Variants in LPA observed in about 807,000 individuals in gnomAD.
LPA encodes the protein apolipoprotein(a).
LPA carries 199 observed loss-of-function variants against 197.9 expected under a neutral mutation model. The ratio of observed to expected loss-of-function variants is 1.01; its 90% confidence interval spans 0.90 to 1.13. LPA has a LOEUF of 1.13. Ranked by LOEUF, LPA falls within the 50% of genes most tolerant of loss-of-function variation. The pLI, the probability that LPA is intolerant of heterozygous loss-of-function variation, is 0.00. For missense variants in LPA, 1,853 were observed against 1,785.8 expected, an observed-to-expected ratio of 1.04 and a Z score of -0.68; for synonymous variants, 715 against 639.5, an observed-to-expected ratio of 1.12 and a Z score of -1.78.
chr6:160,554,994 ACT>A (rs1158931910), intron 30 of LPA, among the ~76,000 whole-genome samples: 6 of 152,136 alleles, frequency 3.9e-5, no homozygotes, highest in Middle Eastern at 6.8e-3. Flanking sequence ...TCAGTCCTGT[ACT>A]GTCTCTTGTC....
intron 24 of LPA, among the ~76,000 whole-genome samples, chr6:160,589,090 G>A (rs1045555145): frequency 6.6e-6 from 1 of 152,118 alleles, no homozygotes; most frequent in Non-Finnish European, 1.5e-5. Flanking sequence ...AACCCAATGT[G>A]TTTATACAGG....
At position 160,577,141 on chromosome 6, in the gene LPA, T is replaced by C. The variant is rs779486305; in HGVS notation, c.4626A>G (p.Pro1542=). The C allele has an allele frequency of 6.2e-7, 1 of 1,613,602 alleles. No homozygotes were observed. Among genetic ancestry groups the C allele is most frequent in the South Asian group, 1.1e-5 (1 of 91,076 alleles). The change falls in exon 28 of 39, where the codon CCA becomes CCG. Residue 1542 remains proline, a synonymous_variant. Transcript: ENST00000316300. ...GGTTTTAATCAAATACATACGCATTTGGGTAGTTTTCTGGGGTCCTCTGAT... is the reference window on the plus strand; with the variant it reads ...GGTTTTAATCAAATACATACGCATTCGGGTAGTTTTCTGGGGTCCTCTGAT... ...HWHQRTPENY[P]NAGLTENYCR...
At chr6:160,570,125 C>A (rs1294109732) in intron 28 of LPA, among the ~76,000 whole-genome samples, 1 of 152,154 alleles carries the variant, frequency 6.6e-6, no homozygotes, top group Admixed American at 6.5e-5. Flanking sequence ...CACAGCCATA[C>A]AATTACTGGA....
chr6:160,565,405 C>G (rs1033471522), intron 28 of LPA, among the ~76,000 whole-genome samples: 4 of 152,294 alleles, frequency 2.6e-5, no homozygotes, highest in African/African-American at 9.6e-5. Flanking sequence ...AATACCCAGG[C>G]AAACAGGGAC....
intron 28 of LPA, among the ~76,000 whole-genome samples, chr6:160,576,336 GTGTGTATATATATA>G (rs1298338633): frequency 1.1e-3 from 22 of 19,704 alleles, no homozygotes; most frequent in East Asian, 8.1e-3. Context: ...GTGTGTGTGT[GTGTGTATATATATA>G]TATATATATA....
At chr6:160,654,028 A>T (rs1397784649) in intron 1 of LPA, among the ~76,000 whole-genome samples, 719 of 6,600 alleles carry the variant, frequency 0.11, 112 homozygotes, top group African/African-American at 0.28. Context: ...ATAATATATA[A>T]TATATATTAT....
In LPA at chr6:160,578,555, G is replaced by T. The variant is rs768808174; in HGVS notation, c.4439C>A (p.Pro1480Gln). The T allele has an allele frequency of 3.7e-6, 6 of 1,613,842 alleles. No homozygotes were observed. Among genetic ancestry groups the T allele is most frequent in the Non-Finnish European group, 5.1e-6 (6 of 1,179,766 alleles). The stretch of plus-strand genomic sequence containing the variant: ...AGAAGGAGCCTCTGTGCTTGGAACC[G>T]GGGCCACTGTGGGAGTTGTGAGGAC... ...SSVLTTPTVA[P>Q]VPSTEAPSEQ... The change falls in exon 27 of 39, where the codon CCG becomes CAG. Residue 1480 changes from proline (P) to glutamine (Q), a missense_variant. Transcript: ENST00000316300.
chr6:160,570,526 C>T (rs748281122), intron 28 of LPA, among the ~76,000 whole-genome samples: 13 of 152,076 alleles, frequency 8.5e-5, no homozygotes, highest in Non-Finnish European at 1.6e-4. Context: ...AGGAGATATA[C>T]CTAATGTAAA....
In LPA at chr6:160,599,625, G is replaced by A. The variant is rs772747145; in HGVS notation, c.3162C>T (p.Cys1054=). The change falls in exon 20 of 39, where the codon TGC becomes TGT. Residue 1054 remains cysteine, a synonymous_variant. Coordinates refer to ENST00000316300, the MANE Select transcript of LPA (RefSeq NM_005577.4). ...LTEETPGVQD[C]YYHYGQSYRG... Reference sequence around the variant, plus strand: ...GGTAACTCTGTCCATAATGGTAGTAGCAGTCCTGTACCCCGGGGGTTTCCT... The same window carrying A: ...GGTAACTCTGTCCATAATGGTAGTAACAGTCCTGTACCCCGGGGGTTTCCT... The A allele has an allele frequency of 6.2e-6, 10 of 1,614,120 alleles. No individual in the cohort carries two copies. The highest frequency in any genetic ancestry group is 2.2e-5 in the East Asian group (1 of 44,864).
At chr6:160,582,171 T>G (rs1280791817) in intron 26 of LPA, among the ~76,000 whole-genome samples, 1 of 152,122 alleles carries the variant, frequency 6.6e-6, no homozygotes, top group Admixed American at 6.6e-5. Flanking sequence ...TTTTTCCTTC[T>G]TTTCACTCTA....
intron 20 of LPA, among the ~76,000 whole-genome samples, chr6:160,597,010 T>A (rs1779145562): frequency 6.6e-6 from 1 of 152,190 alleles, no homozygotes; most frequent in Non-Finnish European, 1.5e-5. Context: ...ATTATTCATA[T>A]CTCACTTTAT....
At chr6:160,539,841 G>A (rs184509965) in intron 36 of LPA, among the ~76,000 whole-genome samples, 1 of 12,932 alleles carries the variant, frequency 7.7e-5, no homozygotes, top group Non-Finnish European at 1.7e-4. Flanking sequence ...GTGAGGAAAC[G>A]AATCCTTCTG....
At chr6:160,547,968 A>C (rs760461740) in intron 31 of LPA, 31 bp from the exon 32 acceptor site, 1 of 1,612,434 alleles carries the variant, frequency 6.2e-7, no homozygotes, top group African/African-American at 1.3e-5. Context: ...AAAACAGATG[A>C]TTACAGACAG....
At chr6:160,656,152 G>A (rs1361368568) in intron 1 of LPA, among the ~76,000 whole-genome samples, 1 of 152,228 alleles carries the variant, frequency 6.6e-6, no homozygotes, top group East Asian at 1.9e-4. Context: ...CCTCTGCACA[G>A]GTCAAATGGG....
chr6:160,574,231 G>A (rs1034356934), intron 28 of LPA, among the ~76,000 whole-genome samples: 1 of 151,850 alleles, frequency 6.6e-6, no homozygotes, highest in Non-Finnish European at 1.5e-5. Context: ...TGAAGGGCTG[G>A]TCTTACTCCC....
intron 26 of LPA, among the ~76,000 whole-genome samples, chr6:160,581,779 G>A (rs967856538): frequency 5.3e-5 from 8 of 152,052 alleles, no homozygotes; most frequent in Non-Finnish European, 5.9e-5. Context: ...TTGGGTGTGG[G>A]TTGAAACTAA....
rs900470357 is a variant in LPA, at chr6:160,586,782, T to G, written c.3948-152A>C. 3 of 999,960 alleles carry G rather than the reference T, an allele frequency of 3.0e-6. No homozygotes were observed. The African/African-American group carries it at 4.8e-5, about 16-fold the overall frequency. The allele number at this position is 999,960 out of a possible 1,614,324, so 61.9% of individuals were successfully genotyped here. On this transcript the variant is annotated intron_variant, in intron 24 of 38. Coordinates refer to ENST00000316300, the MANE Select transcript of LPA (RefSeq NM_005577.4). The stretch of plus-strand genomic sequence containing the variant: ...TAACACTCACAAATGGTCCTCAACT[T>G]CTAAACAACTGTCAACATTTCAAAG...
chr6:160,656,291 G>C (rs1017474336), intron 1 of LPA, among the ~76,000 whole-genome samples: 1 of 152,176 alleles, frequency 6.6e-6, no homozygotes, highest in African/African-American at 2.4e-5. Context: ...TCTAGGTAGA[G>C]ACAGCTCTAA....
At chr6:160,595,902 C>A (rs1779123815) in intron 20 of LPA, among the ~76,000 whole-genome samples, 1 of 152,146 alleles carries the variant, frequency 6.6e-6, no homozygotes. Flanking sequence ...GATCAGAATA[C>A]CCTCCTTCCA....
Sources: gnomAD v4.1 joint callset for allele counts (sites outside exome capture counted in the v4.1 genomes callset) on GRCh38, gnomAD v4.1.1 for gene constraint, MANE v1.5 for transcripts, NCBI Gene and HGNC (gene_info 2026-07-23, HGNC 2026-07-21) for gene names.